Variants in CAMK2G observed in about 807,000 individuals in gnomAD.
The protein encoded by CAMK2G is calcium/calmodulin-dependent protein kinase type II subunit gamma.
A neutral mutation model predicts 88.7 loss-of-function variants in CAMK2G; 23 were observed. The ratio of observed to expected loss-of-function variants is 0.26; its 90% CI spans 0.19 to 0.37. CAMK2G has a LOEUF of 0.37. Among genes scored for constraint, CAMK2G ranks in the 10% least tolerant of loss-of-function variants. The pLI is 1.00. For synonymous variants in CAMK2G, 263 were observed against 294.8 expected, an observed-to-expected ratio of 0.89 and a Z score of 1.11; for missense variants, 476 against 780.8, an observed-to-expected ratio of 0.61 and a Z score of 4.65.
intron 21 of CAMK2G, 128 bp from the exon 22 acceptor site, chr10:73,815,375 C>CG (rs1278122237): frequency 1.5e-5 from 10 of 657,952 alleles, no homozygotes; most frequent in Admixed American, 8.0e-5. Flanking sequence ...TACCGCCCCC[C>CG]CCCACCCCCG....
At chr10:73,849,199 T>A in intron 6 of CAMK2G, 62 bp downstream of exon 6, 1 of 1,553,426 alleles carries the variant, frequency 6.4e-7, no homozygotes, top group South Asian at 1.1e-5. Context: ...AGTACCACTA[T>A]CTGGCACCAG....
intron 10 of CAMK2G, chr10:73,846,623 A>C (rs1275914653): frequency 6.6e-6 from 1 of 152,270 alleles, no homozygotes; most frequent in Non-Finnish European, 1.5e-5. Flanking sequence ...ATGGACAGAT[A>C]AATAATGCCT....
chr10:73,864,767 C>T lies in CAMK2G; in HGVS notation c.161-3878G>A, dbSNP rs535841429. On this transcript the variant is annotated intron_variant, in intron 2 of 22. Coordinates refer to ENST00000423381, the MANE Select transcript of CAMK2G (RefSeq NM_001367534.1). ...ACGCCCTTCTCCTGCCTCAGCCTCCCGAGTAGCTGGGACTGCAGGCGCCCA... is the reference window on the plus strand; with the variant it reads ...ACGCCCTTCTCCTGCCTCAGCCTCCTGAGTAGCTGGGACTGCAGGCGCCCA... 1.7e-4 allele frequency among the ~76,000 whole-genome samples: 26 copies of T among 152,230 alleles called. 1 individual carries two copies. In the East Asian group the frequency reaches 4.8e-3, roughly 28 times the overall value.
In CAMK2G at chr10:73,849,249, C is replaced by A; in HGVS notation, c.414+12G>T. ...TCATGAGCAGAGGCACGGAGGGGAG[C>A]CTGGGTAGTACCTTCAGGTCCCTGT... On this transcript the variant is annotated intron_variant, in intron 6 of 22. Coordinates refer to ENST00000423381, the MANE Select transcript of CAMK2G (RefSeq NM_001367534.1). 1.9e-6 allele frequency: 3 copies of A among 1,610,966 alleles called. No individual in the cohort carries two copies. Among genetic ancestry groups the A allele is most frequent in the Non-Finnish European group, 2.5e-6 (3 of 1,177,226 alleles).
At chr10:73,815,377 CCA>C in intron 21 of CAMK2G, 130 bp from the exon 22 acceptor site, 1 of 652,888 alleles carries the variant, frequency 1.5e-6, no homozygotes, top group Non-Finnish European at 2.7e-6. Flanking sequence ...CCGCCCCCCC[CCA>C]CCCCCGAACC....
At chr10:73,858,372 G>A (rs1047861005) in intron 3 of CAMK2G, among the ~76,000 whole-genome samples, 36 of 152,208 alleles carry the variant, frequency 2.4e-4, no homozygotes, top group African/African-American at 7.2e-4. Context: ...GGAGAGAGAA[G>A]AGGAATAGTG....
chr10:73,817,724 CCT>C, intron 19 of CAMK2G, 170 bp from the exon 20 acceptor site: 1 of 618,424 alleles, frequency 1.6e-6, no homozygotes, highest in Non-Finnish European at 2.9e-6. Flanking sequence ...CTCCCGTCTC[CCT>C]CTCTGCAGTC....
In CAMK2G at chr10:73,839,694, G is replaced by A. The variant is rs918560683; in HGVS notation, c.947-93C>T. On this transcript the variant is annotated intron_variant, in intron 12 of 22. Coordinates refer to ENST00000423381, the MANE Select transcript of CAMK2G (RefSeq NM_001367534.1). This position sits in a 1 kb window ranked among gnomAD's most constrained non-coding sequence, Gnocchi z 4.2. ...CCCCAGCGCGAGGCGCAGCCCAGGC[G>A]GCGTGGCCAAGCCAGCCGAGCTGGG... The A allele has an allele frequency of 6.2e-6, 5 of 810,010 alleles. No individual in the cohort carries two copies. The highest frequency in any genetic ancestry group is 1.8e-5 in the African/African-American group (1 of 56,204). The allele number at this position is 810,010 out of a possible 1,614,324, so 50.2% of individuals were successfully genotyped here.
chr10:73,839,312 CT>C lies in CAMK2G; in HGVS notation c.1009+226del, dbSNP rs561024673. ...CGCTGCCCAGCTCCATGCCCCCAGG[CT>C]ACTGCCCCCTGAAAGTTGGCAAGCG... On this transcript the variant is annotated intron_variant, in intron 13 of 22. Coordinates refer to ENST00000423381, the MANE Select transcript of CAMK2G (RefSeq NM_001367534.1). This position sits in a 1 kb window ranked among gnomAD's most constrained non-coding sequence, Gnocchi z 4.2. 1.3e-5 allele frequency among the ~76,000 whole-genome samples: 2 copies of C among 152,366 alleles called. No homozygotes were observed. Among genetic ancestry groups the C allele is most frequent in the East Asian group, 3.9e-4 (2 of 5,194 alleles).
intron 18 of CAMK2G, among the ~76,000 whole-genome samples, chr10:73,820,488 A>ATTTTT (rs1285081250): frequency 3.7e-4 from 17 of 46,536 alleles, no homozygotes; most frequent in Middle Eastern, 0.01. Flanking sequence ...ATATATATAT[A>ATTTTT]TATATTTTTT....
At chr10:73,840,549 T>C (rs1418500399) in intron 12 of CAMK2G, among the ~76,000 whole-genome samples, 1 of 152,190 alleles carries the variant, frequency 6.6e-6, no homozygotes, top group Non-Finnish European at 1.5e-5. Flanking sequence ...CAAGGCAAAG[T>C]GAGCTCAAAG....
intron 14 of CAMK2G, among the ~76,000 whole-genome samples, chr10:73,835,653 TC>T (rs1196433915): frequency 6.6e-6 from 1 of 152,006 alleles, no homozygotes; most frequent in Non-Finnish European, 1.5e-5. Context: ...CTATGGTATT[TC>T]CCATGGTCTG....
In CAMK2G at chr10:73,819,487, C is replaced by T. The variant is rs112449750; in HGVS notation, c.1363+45G>A. Reference sequence around the variant, plus strand: ...TGGGGGTCCCTGAGGGGCTTCAGGACGAGCCAGGGAGACGGAAGCCAGAAT... The same window carrying T: ...TGGGGGTCCCTGAGGGGCTTCAGGATGAGCCAGGGAGACGGAAGCCAGAAT... On this transcript the variant is annotated intron_variant, in intron 19 of 22. Transcript: ENST00000423381. 466 of 1,385,074 alleles carry T rather than the reference C, an allele frequency of 3.4e-4. 8 individuals are homozygous for T. In the South Asian group the frequency reaches 4.4e-3, roughly 13 times the overall value. 85.8% of individuals were successfully genotyped at this position (1,385,074 alleles called of 1,614,324 possible).
At chr10:73,864,083 G>A (rs746613401) in intron 2 of CAMK2G, among the ~76,000 whole-genome samples, 2 of 152,180 alleles carry the variant, frequency 1.3e-5, no homozygotes, top group South Asian at 4.1e-4. Flanking sequence ...GGTGGGTCAC[G>A]CCTGTAATCC....
At chr10:73,828,366 C>T (rs1331105924) in intron 14 of CAMK2G, among the ~76,000 whole-genome samples, 1 of 152,196 alleles carries the variant, frequency 6.6e-6, no homozygotes, top group Admixed American at 6.5e-5. Flanking sequence ...TTAGTATCTT[C>T]TGAGATGTCT....
Position 73,847,988 on chromosome 10 carries a change from A to T in CAMK2G, c.696T>A (p.Asp232Glu). The change falls in exon 9 of 23, where the codon GAT (aspartate) becomes GAA (glutamate). Residue 232 changes from aspartate (D) to glutamate (E), a missense_variant and splice_region_variant. By Grantham distance (45) the Asp-to-Glu change is conservative. This residue lies in a region of CAMK2G where 164 missense variants were observed against 385.6 expected (regional missense o/e 0.43). Transcript: ENST00000423381. ...GGCTGCCCGGCTCTCTGGTCCTTAC[A>T]TCATAGGCTCCAGCCTTGATCTGCT... Reference protein sequence around the residue: ...LYQQIKAGAYDFPSPEWDTVT... With the variant: ...LYQQIKAGAYEFPSPEWDTVT... The T allele has an allele frequency of 1.9e-6, 3 of 1,596,766 alleles. No individual in the cohort carries two copies. The highest frequency in any genetic ancestry group is 2.6e-6 in the Non-Finnish European group (3 of 1,164,572).
At chr10:73,850,054 G>A (rs2094511446) in intron 5 of CAMK2G, among the ~76,000 whole-genome samples, 1 of 152,160 alleles carries the variant, frequency 6.6e-6, no homozygotes, top group South Asian at 2.1e-4. Context: ...AGAGTGCAAT[G>A]TCGTGAACAC....
chr10:73,850,521 A>G (rs2094544190), intron 5 of CAMK2G, among the ~76,000 whole-genome samples: 1 of 152,220 alleles, frequency 6.6e-6, no homozygotes, highest in Admixed American at 6.5e-5. Flanking sequence ...GGCAGAGGCC[A>G]AGGATGCTTC....
intron 14 of CAMK2G, among the ~76,000 whole-genome samples, chr10:73,832,884 A>T (rs2092666614): frequency 6.6e-6 from 1 of 151,382 alleles, no homozygotes; most frequent in Non-Finnish European, 1.5e-5. Context: ...CCTCCTGAGT[A>T]GCTGGGACTA....
Sources: gnomAD v4.1 joint callset for allele counts (sites outside exome capture counted in the v4.1 genomes callset) on GRCh38, gnomAD v4.1.1 for gene constraint, gnomAD v4.1.1 regional missense constraint, Gnocchi (gnomAD v3.1) non-coding constraint, MANE v1.5 for transcripts, NCBI Gene and HGNC (gene_info 2026-07-23, HGNC 2026-07-21) for gene names.